Variants in GUCY1B1 observed in about 807,000 individuals in gnomAD.
The protein encoded by GUCY1B1 is guanylate cyclase 1 soluble subunit beta 1.
In GUCY1B1, 43 loss-of-function variants were observed where a neutral mutation model predicts 71.0. The observed-to-expected ratio is 0.61, with a 90% CI of 0.47 to 0.78. The LOEUF is 0.78. Ranked by LOEUF, GUCY1B1 falls within the 30% of genes least tolerant of loss-of-function variation. GUCY1B1 has a pLI of 0.00. For synonymous variants in GUCY1B1, 266 were observed against 259.7 expected (o/e 1.02, Z -0.23); for missense variants, 535 against 754.1 (o/e 0.71, Z 3.40).
In GUCY1B1 at chr4:155,759,684, AG is replaced by A. The variant is rs1736827477; in HGVS notation, c.4-101del. 5.3e-6 allele frequency: 4 copies of A among 760,556 alleles called. No homozygotes were observed. The South Asian group carries it at 6.6e-5, about 13-fold the overall frequency. 47.1% of individuals were successfully genotyped at this position (760,556 alleles called of 1,614,324 possible). A position where few individuals can be genotyped will look rare whatever the true frequency, so the allele number is the denominator to read the frequency against. ...GGAGAGGAGTCAGGGGCGGGGTGAA[AG>A]GTTAAGCCAGCGCCATGGGAGCAGA... On this transcript the variant is annotated intron_variant, in intron 1 of 13. Transcript: ENST00000264424.
rs759116533 is a variant in GUCY1B1 at position 155,798,868 on chromosome 4, C to T, written c.978-1009C>T. On this transcript the variant is annotated intron_variant, in intron 8 of 13. Transcript: ENST00000264424. ...GTTGTTGTTGTTTGAGATGGAGTCT[C>T]GCTCTGTCACCCAGACTGGAATGCA... 6.6e-5 allele frequency among the ~76,000 whole-genome samples: 10 copies of T among 152,152 alleles called. No individual in the cohort carries two copies. The South Asian group carries it at 1.5e-3, about 22-fold the overall frequency.
At chr4:155,785,312 A>G (rs553879552) in intron 4 of GUCY1B1, 248 of 1,453,510 alleles carry the variant, frequency 1.7e-4, no homozygotes, top group Non-Finnish European at 2.2e-4. Context: ...TTTCCTGGGA[A>G]TCTACTTGTG....
intron 7 of GUCY1B1, 98 bp from the exon 8 acceptor site, chr4:155,796,279 T>G: frequency 3.7e-6 from 4 of 1,089,478 alleles, no homozygotes; most frequent in East Asian, 2.4e-5. Context: ...TTATTCTGCT[T>G]TGTGGTTTGG....
Position 155,805,086 on chromosome 4 carries a change from C to A in GUCY1B1, c.1710-17C>A. The A allele has an allele frequency of 6.2e-7, 1 of 1,607,288 alleles. No individual in the cohort carries two copies. The highest frequency in any genetic ancestry group is 1.1e-5 in the South Asian group (1 of 90,544). On this transcript the variant is annotated splice_polypyrimidine_tract_variant and intron_variant, in intron 12 of 13. Coordinates refer to ENST00000264424, the MANE Select transcript of GUCY1B1 (RefSeq NM_000857.5). The stretch of plus-strand genomic sequence containing the variant: ...TGTGTATACTTCTCTCTCTACTCCC[C>A]TTCCCTTGTCTTTTAGATGTCTTAT...
intron 4 of GUCY1B1, among the ~76,000 whole-genome samples, chr4:155,779,503 C>T: frequency 7.0e-6 from 1 of 143,520 alleles, no homozygotes; most frequent in Admixed American, 6.8e-5. Flanking sequence ...AAATTATACA[C>T]AATTTTATTT....
intron 4 of GUCY1B1, chr4:155,785,334 G>A: frequency 7.5e-7 from 1 of 1,332,808 alleles, no homozygotes. Context: ...TGCAATGTAA[G>A]AGTTTACATT....
Position 155,807,541 on chromosome 4 carries a change from G to A in GUCY1B1, c.*1132G>A, listed in dbSNP as rs749350344. The A allele has an allele frequency of 5.9e-5, 9 of 151,940 alleles. No homozygotes were observed. Among genetic ancestry groups the A allele is most frequent in the South Asian group, 4.1e-4 (2 of 4,820 alleles). The allele number at this position is 151,940 out of a possible 1,614,324, so 9.4% of individuals were successfully genotyped here. On this transcript the variant is annotated 3_prime_UTR_variant, in exon 14 of 14. Coordinates refer to ENST00000264424, the MANE Select transcript of GUCY1B1 (RefSeq NM_000857.5). The stretch of plus-strand genomic sequence containing the variant: ...TCAGCACATCGATATATGTATAAAT[G>A]TTCCATGTTAATGTGTAAAAGAGTC...
intron 4 of GUCY1B1, among the ~76,000 whole-genome samples, chr4:155,782,075 T>C: frequency 6.6e-6 from 1 of 151,598 alleles, no homozygotes; most frequent in East Asian, 1.9e-4. Context: ...TTTAATGTTT[T>C]ATTATTATTA....
chr4:155,786,547 G>A (rs1738797366), intron 4 of GUCY1B1, among the ~76,000 whole-genome samples: 1 of 134,196 alleles, frequency 7.5e-6, no homozygotes, highest in Non-Finnish European at 1.5e-5. Context: ...TCGGCTCACT[G>A]CAAGCTCCAC....
At chr4:155,794,109 T>C in intron 6 of GUCY1B1, 23 bp downstream of exon 6, 1 of 1,312,942 alleles carries the variant, frequency 7.6e-7, no homozygotes, top group Non-Finnish European at 1.1e-6. Context: ...CATACTTCCT[T>C]GGGGCCTGAG....
At chr4:155,800,576 GACA>G (rs569581514) in intron 9 of GUCY1B1, among the ~76,000 whole-genome samples, 1 of 152,212 alleles carries the variant, frequency 6.6e-6, no homozygotes, top group Admixed American at 6.5e-5. Context: ...TATATGTAAT[GACA>G]ACAATTACAT....
Position 155,803,641 on chromosome 4 carries a change from C to T in GUCY1B1, c.1431C>T (p.Asp477=). 1 of 1,589,978 alleles carries T rather than the reference C, an allele frequency of 6.3e-7. No individual in the cohort carries two copies. The highest frequency in any genetic ancestry group is 8.6e-7 in the Non-Finnish European group (1 of 1,168,356). ...PFVYKVETVG[D]KYMTVSGLPE... is the part of the protein sequence containing the mutation. The stretch of plus-strand genomic sequence containing the variant: ...ACTGTTAGGTGGAGACTGTTGGTGA[C>T]AAGTATATGACAGTGAGTGGTTTAC... The change falls in exon 11 of 14, where the codon GAC becomes GAT. Residue 477 remains aspartate, a synonymous_variant. Coordinates refer to ENST00000264424, the MANE Select transcript of GUCY1B1 (RefSeq NM_000857.5).
At chr4:155,769,804 A>G (rs1737575511) in intron 2 of GUCY1B1, among the ~76,000 whole-genome samples, 1 of 152,140 alleles carries the variant, frequency 6.6e-6, no homozygotes, top group Non-Finnish European at 1.5e-5. Context: ...GGTTTTTCTC[A>G]CATGTAAAAT....
At chr4:155,785,217 G>A in intron 4 of GUCY1B1, 1 of 749,808 alleles carries the variant, frequency 1.3e-6, no homozygotes, top group South Asian at 1.6e-5. Flanking sequence ...TAGATGAATG[G>A]ACCTACTCTC....
At chr4:155,796,577 A>G in intron 8 of GUCY1B1, 67 bp downstream of exon 8, 2 of 1,037,106 alleles carry the variant, frequency 1.9e-6, no homozygotes, top group Non-Finnish European at 1.4e-6. Context: ...GGAATGCCAC[A>G]ATATTTTATT....
chr4:155,772,712 G>A, intron 2 of GUCY1B1: 1 of 702,428 alleles, frequency 1.4e-6, no homozygotes, highest in Non-Finnish European at 2.6e-6. Context: ...GAGCCAACCT[G>A]CCCAGCCAGA....
At chr4:155,791,810 A>G (rs938310615) in intron 5 of GUCY1B1, among the ~76,000 whole-genome samples, 3 of 151,320 alleles carry the variant, frequency 2.0e-5, no homozygotes, top group Non-Finnish European at 2.9e-5. Flanking sequence ...TACTGAGTGA[A>G]CGTATATGCA....
Position 155,806,287 on chromosome 4 carries a change from C to T in GUCY1B1, c.1837-99C>T, listed in dbSNP as rs1395329654. 2.9e-5 allele frequency: 21 copies of T among 722,498 alleles called. 1 individual carries two copies. The highest frequency in any genetic ancestry group is 4.5e-5 in the Non-Finnish European group (19 of 420,236). 44.8% of individuals were successfully genotyped at this position (722,498 alleles called of 1,614,324 possible). A position where few individuals can be genotyped will look rare whatever the true frequency, so the allele number is the denominator to read the frequency against. ...GATTTACAGAAACTGTAGATGTGAA[C>T]GTGGATCACACTCTCATAAAGAGAA... is the stretch of plus-strand genomic sequence containing the variant. On this transcript the variant is annotated intron_variant, in intron 13 of 13. Transcript: ENST00000264424.
At chr4:155,759,294 A>T (rs1408007317) in intron 1 of GUCY1B1, 151 bp downstream of exon 1, 1 of 718,442 alleles carries the variant, frequency 1.4e-6, no homozygotes, top group East Asian at 3.1e-5. Context: ...GCCCGCGCCC[A>T]GTCAGGGGAG....
Sources: allele counts gnomAD v4.1 joint callset (sites outside exome capture counted in the v4.1 genomes callset), GRCh38; gene constraint gnomAD v4.1.1; transcripts MANE v1.5; gene names NCBI Gene and HGNC (gene_info 2026-07-23, HGNC 2026-07-21).